LAX1: variants seen among roughly 807,000 people sequenced by gnomAD.
LAX1 encodes the protein lymphocyte transmembrane adaptor 1.
LAX1 carries 17 observed loss-of-function variants against 20.7 expected under a neutral mutation model. The ratio of observed to expected loss-of-function variants is 0.82; its 90% CI spans 0.56 to 1.23. LAX1 has a LOEUF of 1.23. Among genes scored for constraint, LAX1 ranks in the 50% most tolerant of loss-of-function variants. LAX1 has a pLI of 0.00. For synonymous variants in LAX1, 165 were observed against 181.0 expected, an observed-to-expected ratio of 0.91 and a Z score of 0.71; for missense variants, 470 against 487.0, an observed-to-expected ratio of 0.97 and a Z score of 0.33.
Position 203,767,303 on chromosome 1 carries a change from CTT to C in LAX1, c.89+1669_89+1670del, listed in dbSNP as rs755164305. Among the ~76,000 whole-genome samples the C allele has an allele frequency of 4.6e-3, 416 of 90,430 alleles. 4 individuals are homozygous for C. The highest frequency in any genetic ancestry group is 0.025 in the South Asian group (57 of 2,238). 59.3% of individuals were successfully genotyped at this position (90,430 alleles called of 152,430 possible). A position where few individuals can be genotyped will look rare whatever the true frequency, so the allele number is the denominator to read the frequency against. ...GTAACCACCATTCTACTCTCCACTT[CTT>C]TTTTTTTTTTTTTTTTTTTGAGACA... On this transcript the variant is annotated intron_variant, in intron 1 of 4. Transcript: ENST00000442561.
chr1:203,774,615 A>G lies in LAX1; in HGVS notation c.1131A>G (p.Leu377=). ...NEDSSDYENV[L]TAKLGGRDSE... ...ACTCCAGTGACTATGAAAATGTGCT[A>G]ACTGCCAAGTTAGGAGGCAGGGACT... is the stretch of plus-strand genomic sequence containing the variant. Residue 377 remains leucine, a synonymous_variant, in exon 5 of 5, where the codon CTA becomes CTG. Coordinates refer to ENST00000442561, the MANE Select transcript of LAX1 (RefSeq NM_017773.4). 6.2e-7 allele frequency: 1 copy of G among 1,614,248 alleles called. No homozygotes were observed.
rs1667492807 is a variant in LAX1 at position 203,775,302 on chromosome 1, G to A, written c.*621G>A. On this transcript the variant is annotated 3_prime_UTR_variant, in exon 5 of 5. Transcript: ENST00000442561. ...CCAGCTACTCAGGAGGCTGAAGCAG[G>A]AGAATCGCTTGAACCCGGGAGGTGG... 6.6e-6 allele frequency: 1 copy of A among 152,466 alleles called. No homozygotes were observed. The highest frequency in any genetic ancestry group is 1.9e-4 in the East Asian group (1 of 5,184). The allele number at this position is 152,466 out of a possible 1,614,324, so 9.4% of individuals were successfully genotyped here.
Position 203,765,327 on chromosome 1 carries a change from G to A in LAX1, c.-239G>A, listed in dbSNP as rs1249366970. ...GATTCTCCCTGAGCCACCTCACTTG[G>A]AAGCACCATGTCCGGATGAGATCGC... On this transcript the variant is annotated 5_prime_UTR_variant, in exon 1 of 5. Transcript: ENST00000442561. The A allele has an allele frequency of 1.4e-5, 22 of 1,551,428 alleles. No individual in the cohort carries two copies. In the South Asian group the frequency reaches 2.3e-4, roughly 16 times the overall value.
At chr1:203,773,442 G>A (rs988297380) in intron 4 of LAX1, among the ~76,000 whole-genome samples, 5 of 151,954 alleles carry the variant, frequency 3.3e-5, no homozygotes, top group African/African-American at 9.7e-5. Context: ...CGACGAGAGC[G>A]AAACTCCTTC....
chr1:203,766,844 TTTTG>T (rs1233420122), intron 1 of LAX1, among the ~76,000 whole-genome samples: 16 of 152,006 alleles, frequency 1.1e-4, no homozygotes, highest in African/African-American at 3.9e-4. Flanking sequence ...TTTTGTTTTG[TTTTG>T]TTTGTTTTTT....
At chr1:203,772,339 G>A (rs577179899) in intron 4 of LAX1, among the ~76,000 whole-genome samples, 192 bp downstream of exon 4, 1 of 152,344 alleles carries the variant, frequency 6.6e-6, no homozygotes, top group South Asian at 2.1e-4. Flanking sequence ...ATTAAGGACA[G>A]AGGCAAGTGC....
In LAX1 at chr1:203,771,457, C is replaced by T; in HGVS notation, c.290C>T (p.Pro97Leu). ...GCCAAAAATATTTATGACATCTTGC[C>T]TTGGCGACAGGAAGACCTGGGTAGG... ...QRAKNIYDIL[P>L]WRQEDLGRHE... The change falls in exon 3 of 5, where the codon CCT (proline) becomes CTT (leucine). Residue 97 changes from proline (P) to leucine (L), a missense_variant. Transcript: ENST00000442561. 1.2e-6 allele frequency: 2 copies of T among 1,610,702 alleles called. No individual in the cohort carries two copies. Among genetic ancestry groups the T allele is most frequent in the African/African-American group, 2.7e-5 (2 of 74,950 alleles).
Position 203,772,651 on chromosome 1 carries a change from C to A in LAX1, c.390+504C>A, listed in dbSNP as rs577732239. 7.9e-5 allele frequency among the ~76,000 whole-genome samples: 12 copies of A among 152,256 alleles called. 1 individual carries two copies. Among genetic ancestry groups the A allele is most frequent in the African/African-American group, 2.9e-4 (12 of 41,538 alleles). On this transcript the variant is annotated intron_variant, in intron 4 of 4. Coordinates refer to ENST00000442561, the MANE Select transcript of LAX1 (RefSeq NM_017773.4). ...CCATGTTGGCCAGGATGGTCTCAAT[C>A]TCTTGACCTTTTCATCCACCCGCCT... is the stretch of plus-strand genomic sequence containing the variant.
intron 1 of LAX1, chr1:203,769,784 G>C (rs1262801778): frequency 7.6e-6 from 1 of 132,320 alleles, no homozygotes; most frequent in Non-Finnish European, 1.7e-5. Flanking sequence ...GGGGGGGGGG[G>C]CGGCGGGGGG....
intron 4 of LAX1, among the ~76,000 whole-genome samples, chr1:203,773,129 G>T (rs964306167): frequency 6.6e-6 from 1 of 152,064 alleles, no homozygotes; most frequent in Admixed American, 6.6e-5. Flanking sequence ...TTACTTGCAG[G>T]GCTTATGTCA....
At chr1:203,769,773 C>CGGGGGGGGGGG (rs1311215813) in intron 1 of LAX1, 4 of 24,252 alleles carry the variant, frequency 1.6e-4, no homozygotes, top group African/African-American at 1.7e-4. Context: ...CAAATTGGTG[C>CGGGGGGGGGGG]GGGGGGGGGG....
rs755164305 is a variant in LAX1, at chr1:203,767,303, C to CTTTTTTTTT, written c.89+1662_89+1670dup. Reference sequence around the variant, plus strand: ...GTAACCACCATTCTACTCTCCACTTCTTTTTTTTTTTTTTTTTTTTTGAGA... The same window carrying CTTTTTTTTT: ...GTAACCACCATTCTACTCTCCACTTCTTTTTTTTTTTTTTTTTTTTTTTTTTTTTTGAGA... On this transcript the variant is annotated intron_variant, in intron 1 of 4. Coordinates refer to ENST00000442561, the MANE Select transcript of LAX1 (RefSeq NM_017773.4). Among the ~76,000 whole-genome samples the CTTTTTTTTT allele has an allele frequency of 7.5e-4, 68 of 90,434 alleles. 8 individuals carry two copies. The highest frequency in any genetic ancestry group is 1.4e-3 in the African/African-American group (30 of 21,246). The allele number at this position is 90,434 out of a possible 152,430, so 59.3% of individuals were successfully genotyped here.
chr1:203,770,972 T>C, intron 2 of LAX1, 35 bp downstream of exon 2: 1 of 1,466,880 alleles, frequency 6.8e-7, no homozygotes, highest in Non-Finnish European at 9.6e-7. Context: ...TGAGACACAG[T>C]AGGATTATTA....
chr1:203,766,977 T>A (rs1667315184), intron 1 of LAX1, among the ~76,000 whole-genome samples: 1 of 152,022 alleles, frequency 6.6e-6, no homozygotes, highest in Admixed American at 6.6e-5. Context: ...TGCTTCAGCC[T>A]CCTGAGTAGC....
At chr1:203,770,473 GGAAGGAAGGA>G (rs1667392129) in intron 1 of LAX1, among the ~76,000 whole-genome samples, 2 of 27,882 alleles carry the variant, frequency 7.2e-5, no homozygotes, top group African/African-American at 2.1e-4. Context: ...AAGGAAGGAA[GGAAGGAAGGA>G]AGGAAGGAAG....
At chr1:203,773,756 C>CTTTTTTTTTTTT (rs10714327) in intron 4 of LAX1, 119 bp from the exon 5 acceptor site, 1 of 194,678 alleles carries the variant, frequency 5.1e-6, no homozygotes, top group African/African-American at 6.6e-5. Flanking sequence ...TGTTGCTCTT[C>CTTTTTTTTTTTT]TTTTTTTTTT....
rs1667478477 is a variant in LAX1 at position 203,774,504 on chromosome 1, T to C, written c.1020T>C (p.Leu340=). The C allele has an allele frequency of 1.9e-6, 3 of 1,614,118 alleles. No individual in the cohort carries two copies. Among genetic ancestry groups the C allele is most frequent in the Non-Finnish European group, 2.5e-6 (3 of 1,180,040 alleles). The change falls in exon 5 of 5, where the codon CTT becomes CTC. Residue 340 remains leucine, a synonymous_variant. Coordinates refer to ENST00000442561, the MANE Select transcript of LAX1 (RefSeq NM_017773.4). ...THVQCVKRTF[L]ASGDYADFQP... ...TCCAATGTGTCAAAAGGACATTCCT[T>C]GCTTCAGGGGATTATGCAGACTTTC...
At chr1:203,769,697 G>A (rs1009263922) in intron 1 of LAX1, 1 of 144,278 alleles carries the variant, frequency 6.9e-6, no homozygotes, top group Admixed American at 7.5e-5. Flanking sequence ...GAATTGCAAG[G>A]TAGCACAGAA....
chr1:203,768,894 C>T (rs1037925445), intron 1 of LAX1, among the ~76,000 whole-genome samples: 2 of 152,010 alleles, frequency 1.3e-5, no homozygotes, highest in African/African-American at 4.8e-5. Context: ...GGATAAATGC[C>T]CAGGGTAATG....
Sources: gnomAD v4.1 joint callset for allele counts (sites outside exome capture counted in the v4.1 genomes callset) on GRCh38, gnomAD v4.1.1 for gene constraint, MANE v1.5 for transcripts, NCBI Gene and HGNC (gene_info 2026-07-23, HGNC 2026-07-21) for gene names.